SNRPN: variants seen among roughly 807,000 people sequenced by gnomAD.
SNRPN encodes the protein small nuclear ribonucleoprotein polypeptide N.
Under a neutral mutation model 25.2 loss-of-function variants are expected in SNRPN, and 7 were observed. That is an observed-to-expected ratio of 0.28 (90% CI 0.16 to 0.52). SNRPN has a LOEUF of 0.52. Among genes scored for constraint, SNRPN ranks in the 20% least tolerant of loss-of-function variants. The probability of loss-of-function intolerance (pLI) is 0.96; values close to 1 mark genes in which losing one functional copy is unlikely to be tolerated. For synonymous variants in SNRPN, 124 were observed against 110.6 expected (o/e 1.12, Z -0.76); for missense variants, 196 against 322.5 (o/e 0.61, Z 3.00).
intron 2 of SNRPN, among the ~76,000 whole-genome samples, chr15:24,912,118 A>C (rs2059255155): frequency 6.6e-6 from 1 of 152,130 alleles, no homozygotes; most frequent in Admixed American, 6.5e-5. Context: ...TATGTGGGAC[A>C]TGTTACCCCT....
At chr15:24,973,588 C>G (rs2554427) in intron 3 of SNRPN, among the ~76,000 whole-genome samples, 1 of 151,266 alleles carries the variant, frequency 6.6e-6, no homozygotes, top group East Asian at 2.0e-4. Context: ...CTAGCAGAGA[C>G]GGGATTTCAC....
intron 3 of SNRPN, among the ~76,000 whole-genome samples, chr15:24,923,724 G>A (rs1191622299): frequency 6.6e-6 from 1 of 151,988 alleles, no homozygotes; most frequent in East Asian, 1.9e-4. Context: ...ACTTGTCTGA[G>A]CCCATCTCTG....
rs145043157 is a variant in SNRPN, at chr15:24,890,312, C to T, written c.-505+3723C>T. Among the ~76,000 whole-genome samples the T allele has an allele frequency of 4.4e-3, 673 of 152,210 alleles. 5 individuals are homozygous for T. The highest frequency in any genetic ancestry group is 0.031 in the Middle Eastern group (9 of 294). On this transcript the variant is annotated intron_variant, in intron 2 of 11. Coordinates refer to the SNRPN transcript ENST00000400097. The stretch of plus-strand genomic sequence containing the variant: ...CTGAACAAACAGGTCTTATGAATTT[C>T]TCCCCAGGTAATTACTATTAGATGA...
At chr15:24,877,173 T>A (rs1402084629) in intron 1 of SNRPN, among the ~76,000 whole-genome samples, 1 of 152,002 alleles carries the variant, frequency 6.6e-6, no homozygotes. Flanking sequence ...CCACAGAAAA[T>A]TTTCGTATTT....
intron 3 of SNRPN, among the ~76,000 whole-genome samples, chr15:24,941,050 C>T (rs1008230485): frequency 3.9e-5 from 6 of 152,200 alleles, no homozygotes; most frequent in African/African-American, 7.2e-5. Context: ...AATCTTGGCT[C>T]GCTGCAACCT....
At chr15:24,917,038 G>A (rs190126647) in intron 2 of SNRPN, among the ~76,000 whole-genome samples, 2 of 152,194 alleles carry the variant, frequency 1.3e-5, no homozygotes, top group African/African-American at 4.8e-5. Flanking sequence ...GTGCTGACTG[G>A]TCCATTTTAC....
At chr15:24,950,503 A>C (rs1307301046), upstream of SNRPN, among the ~76,000 whole-genome samples, 1 of 151,398 alleles carries the variant, frequency 6.6e-6, no homozygotes, top group Non-Finnish European at 1.5e-5. Context: ...CTGCTATGAA[A>C]ATGCATATAC....
chr15:24,932,473 A>G (rs1297166809), intron 3 of SNRPN, among the ~76,000 whole-genome samples: 2 of 152,120 alleles, frequency 1.3e-5, no homozygotes, highest in Non-Finnish European at 2.9e-5. Flanking sequence ...ACCTCAGGTG[A>G]TCCGCCTGCC....
intron 2 of SNRPN, among the ~76,000 whole-genome samples, chr15:24,844,523 CT>C (rs2052016973): frequency 6.7e-6 from 1 of 148,434 alleles, no homozygotes; most frequent in Admixed American, 6.7e-5. Context: ...ATAATTTGTC[CT>C]TTTTTGTTGT....
chr15:24,936,091 G>A (rs1045146927), intron 3 of SNRPN, among the ~76,000 whole-genome samples: 12 of 151,718 alleles, frequency 7.9e-5, no homozygotes, highest in Non-Finnish European at 1.8e-4. Context: ...CTCCCGCCTG[G>A]GCAACAGAGC....
intron 2 of SNRPN, among the ~76,000 whole-genome samples, chr15:24,896,341 G>C (rs557040816): frequency 4.5e-4 from 69 of 152,292 alleles, no homozygotes; most frequent in Non-Finnish European, 8.5e-4. Flanking sequence ...TATCGTTACT[G>C]TGTTTATGCT....
At chr15:24,910,660 A>G (rs948984220) in intron 2 of SNRPN, among the ~76,000 whole-genome samples, 1 of 151,868 alleles carries the variant, frequency 6.6e-6, no homozygotes, top group Non-Finnish European at 1.5e-5. Context: ...ACACCCGGCT[A>G]ATTTTTGTAT....
At chr15:24,871,912 A>G (rs149666602) in intron 1 of SNRPN, among the ~76,000 whole-genome samples, 2,335 of 118,110 alleles carry the variant, frequency 0.02, 542 homozygotes, top group African/African-American at 0.064. Context: ...TCACCATGTT[A>G]GCCAGGATGG....
chr15:24,860,069 C>T (rs1164510124), intron 1 of SNRPN, among the ~76,000 whole-genome samples: 4 of 152,168 alleles, frequency 2.6e-5, no homozygotes, highest in African/African-American at 9.7e-5. Context: ...GTCTCATCCT[C>T]ATTTTACCCA....
chr15:24,877,918 C>T (rs909036817), intron 1 of SNRPN, among the ~76,000 whole-genome samples: 5 of 152,210 alleles, frequency 3.3e-5, no homozygotes, highest in African/African-American at 1.2e-4. Flanking sequence ...CTTTTCCAGT[C>T]ACCTGCTCTT....
At chr15:24,955,196 G>A in intron 1 of SNRPN, 134 bp downstream of exon 1, 1 of 1,224,070 alleles carries the variant, frequency 8.2e-7, no homozygotes, top group Non-Finnish European at 1.2e-6. Context: ...TTGTTCTGGA[G>A]AACCAGATCC....
chr15:24,936,420 A>G (rs1018673397), intron 3 of SNRPN, among the ~76,000 whole-genome samples: 5 of 152,186 alleles, frequency 3.3e-5, no homozygotes, highest in Non-Finnish European at 7.3e-5. Flanking sequence ...AAACGGAGTC[A>G]GATTTGAACA....
At chr15:24,918,665 AAT>A (rs61595742) in intron 2 of SNRPN, among the ~76,000 whole-genome samples, 9 of 98,106 alleles carry the variant, frequency 9.2e-5, no homozygotes, top group African/African-American at 3.0e-4. Flanking sequence ...TATATAACAT[AAT>A]ATATATGTGT....
intron 2 of SNRPN, among the ~76,000 whole-genome samples, chr15:24,847,776 C>T (rs1308004873): frequency 6.6e-6 from 1 of 152,156 alleles, no homozygotes. Context: ...CAAAGTGAAT[C>T]CCATTATGCT....
Sources: gnomAD v4.1 joint callset for allele counts (sites outside exome capture counted in the v4.1 genomes callset) on GRCh38, gnomAD v4.1.1 for gene constraint, MANE v1.5 for transcripts, NCBI Gene and HGNC (gene_info 2026-07-23, HGNC 2026-07-21) for gene names.